TBP: variants seen among roughly 807,000 people sequenced by gnomAD.
TBP encodes the protein TATA-box-binding protein.
In TBP, 12 loss-of-function variants were observed where a neutral mutation model predicts 46.2. The observed-to-expected ratio is 0.26, with a 90% CI of 0.17 to 0.42. The LOEUF is 0.42. Ranked by LOEUF, TBP falls within the 10% of genes least tolerant of loss-of-function variation. The pLI is 1.00. For synonymous variants in TBP, 157 were observed against 148.3 expected (o/e 1.06, Z -0.42); for missense variants, 229 against 403.1 (o/e 0.57, Z 3.70).
Position 170,572,314 on chromosome 6 carries a change from TA to T in TBP, c.*52del. On this transcript the variant is annotated 3_prime_UTR_variant, in exon 8 of 8. Coordinates refer to ENST00000392092, the MANE Select transcript of TBP (RefSeq NM_003194.5). ...CCCCACCCCCTTCTTTTTTTTTTTT[TA>T]AACAAATCAGTTTGTTTTGGTACCT... 6 of 1,316,162 alleles carry T rather than the reference TA, an allele frequency of 4.6e-6. No individual in the cohort carries two copies. Among genetic ancestry groups the T allele is most frequent in the African/African-American group, 1.5e-5 (1 of 67,160 alleles). 81.5% of individuals were successfully genotyped at this position (1,316,162 alleles called of 1,614,324 possible).
In TBP at chr6:170,562,039, C is replaced by G. The variant is rs755731466; in HGVS notation, c.303C>G (p.Ala101=). Residue 101 remains alanine (A), a synonymous_variant, in exon 3 of 8, where the codon GCC becomes GCG. Transcript: ENST00000392092. Reference sequence around the variant, plus strand: ...AGCAACAGGCAGTGGCAGCTGCAGCCGTTCAGCAGTCAACGTCCCAGCAGG... The same window carrying G: ...AGCAACAGGCAGTGGCAGCTGCAGCGGTTCAGCAGTCAACGTCCCAGCAGG... ...QQQQQAVAAA[A]VQQSTSQQAT... 6.8e-6 allele frequency: 11 copies of G among 1,613,038 alleles called. No homozygotes were observed. In the South Asian group the frequency reaches 1.2e-4, roughly 18 times the overall value.
chr6:170,572,580 T>G lies in TBP; in HGVS notation c.*315T>G, dbSNP rs1437501588. 1.3e-5 allele frequency: 4 copies of G among 299,980 alleles called. No homozygotes were observed. The highest frequency in any genetic ancestry group is 8.7e-5 in the African/African-American group (4 of 46,124). 18.6% of individuals were successfully genotyped at this position (299,980 alleles called of 1,614,324 possible). On this transcript the variant is annotated 3_prime_UTR_variant, in exon 8 of 8. Transcript: ENST00000392092. ...CAAGTTGGTTTGAGGGAGAAAACTT[T>G]AAGTGTTAAAGCCACCTCTATAATT...
intron 3 of TBP, among the ~76,000 whole-genome samples, chr6:170,564,131 G>A (rs1779199351): frequency 6.6e-6 from 1 of 152,038 alleles, no homozygotes; most frequent in African/African-American, 2.4e-5. Flanking sequence ...ATTATAAATA[G>A]TTACTTAGGA....
chr6:170,556,492 A>C (rs1336156971), intron 1 of TBP, among the ~76,000 whole-genome samples: 1 of 152,146 alleles, frequency 6.6e-6, no homozygotes, highest in Non-Finnish European at 1.5e-5. Context: ...AAATTGGAAT[A>C]TTTAAAGATC....
At chr6:170,571,648 C>G in intron 7 of TBP, 144 bp downstream of exon 7, 1 of 653,342 alleles carries the variant, frequency 1.5e-6, no homozygotes, top group East Asian at 2.7e-5. Context: ...TGATGAGAAA[C>G]GTGCCCACTA....
At position 170,561,966 on chromosome 6, in the gene TBP, AGCAGCAG is replaced by A. The variant is rs1562359596; in HGVS notation, c.231_237del (p.Gln77HisfsTer65). The A allele has an allele frequency of 6.8e-3, 8,783 of 1,286,168 alleles. 356 individuals carry two copies. In the African/African-American group the frequency reaches 0.11, roughly 17 times the overall value. 79.7% of individuals were successfully genotyped at this position (1,286,168 alleles called of 1,614,324 possible). A position where few individuals can be genotyped will look rare whatever the true frequency, so the allele number is the denominator to read the frequency against. Reference sequence around the variant, plus strand: ...CAGCAGCAGCAACAGCAACAGCAGCAGCAGCAGCAGCAGCAGCAGCAGCAGCAGCAGC... The same window carrying A: ...CAGCAGCAGCAACAGCAACAGCAGCACAGCAGCAGCAGCAGCAGCAGCAGC... On this transcript the variant is annotated frameshift_variant, in exon 3 of 8. Coordinates refer to ENST00000392092, the MANE Select transcript of TBP (RefSeq NM_003194.5). LOFTEE classifies it high-confidence loss of function.
chr6:170,554,379 G>A lies in TBP; in HGVS notation c.-233G>A, dbSNP rs949433816. 2.6e-5 allele frequency: 4 copies of A among 152,606 alleles called. No individual in the cohort carries two copies. The highest frequency in any genetic ancestry group is 9.6e-5 in the African/African-American group (4 of 41,486). 9.5% of individuals were successfully genotyped at this position (152,606 alleles called of 1,614,324 possible). On this transcript the variant is annotated 5_prime_UTR_variant, in exon 1 of 8. Coordinates refer to ENST00000392092, the MANE Select transcript of TBP (RefSeq NM_003194.5). Reference sequence around the variant, plus strand: ...GCGCGCCAGGGGTTCAGTGAGGTCGGGCAGGTTCGCTGTGGCGGGCGCCTG... The same window carrying A: ...GCGCGCCAGGGGTTCAGTGAGGTCGAGCAGGTTCGCTGTGGCGGGCGCCTG...
At chr6:170,561,223 T>C (rs1232618818) in intron 2 of TBP, among the ~76,000 whole-genome samples, 3 of 152,254 alleles carry the variant, frequency 2.0e-5, no homozygotes, top group Non-Finnish European at 4.4e-5. Context: ...TTAGACATAA[T>C]GCTATTGCAC....
chr6:170,564,152 G>A lies in TBP; in HGVS notation c.498-393G>A, dbSNP rs1423056558. On this transcript the variant is annotated intron_variant, in intron 3 of 7. Transcript: ENST00000392092. ...AATAGTTACTTAGGAATAGGGTGGT[G>A]GTGGTAGCTTTTCAGAGCTCACAGA... Among the ~76,000 whole-genome samples, 5 of 152,156 alleles carry A rather than the reference G, an allele frequency of 3.3e-5. No individual in the cohort carries two copies. In the East Asian group the frequency reaches 9.6e-4, roughly 29 times the overall value.
chr6:170,556,962 A>T lies in TBP; in HGVS notation c.-68A>T. On this transcript the variant is annotated 5_prime_UTR_variant, in exon 2 of 8. Transcript: ENST00000392092. ...AAGAGTGTGCTGGAGATGCTCTAGG[A>T]AAAAATTGAATAGTGAGACGAGTTC... 2.0e-6 allele frequency: 3 copies of T among 1,518,016 alleles called. No individual in the cohort carries two copies. Among genetic ancestry groups the T allele is most frequent in the Non-Finnish European group, 2.7e-6 (3 of 1,094,996 alleles). The allele number at this position is 1,518,016 out of a possible 1,614,324, so 94.0% of individuals were successfully genotyped here.
At chr6:170,558,960 C>T (rs1779089164) in intron 2 of TBP, among the ~76,000 whole-genome samples, 1 of 152,234 alleles carries the variant, frequency 6.6e-6, no homozygotes, top group Admixed American at 6.5e-5. Flanking sequence ...GTTGGGATTA[C>T]AGGCATGAGC....
intron 2 of TBP, 50 bp downstream of exon 2, chr6:170,557,133 A>G (rs1435851860): frequency 6.5e-7 from 1 of 1,540,580 alleles, no homozygotes; most frequent in Non-Finnish European, 9.0e-7. Context: ...CTGAACTGCA[A>G]GAGATGGTAT....
Position 170,569,796 on chromosome 6 carries a change from TTA to T in TBP, c.845+19_845+20del, listed in dbSNP as rs762455360. On this transcript the variant is annotated intron_variant, in intron 6 of 7. Coordinates refer to ENST00000392092, the MANE Select transcript of TBP (RefSeq NM_003194.5). ...ATTTAGTAGGTAAGTCTGAAATGTA[TTA>T]TGATTGTTATTGGCAACAGTTCATT... The T allele has an allele frequency of 1.2e-6, 2 of 1,601,354 alleles. No individual in the cohort carries two copies. The highest frequency in any genetic ancestry group is 1.7e-6 in the Non-Finnish European group (2 of 1,174,290).
At chr6:170,564,250 C>T (rs901976584) in intron 3 of TBP, among the ~76,000 whole-genome samples, 1 of 152,190 alleles carries the variant, frequency 6.6e-6, no homozygotes, top group African/African-American at 2.4e-5. Flanking sequence ...CCTGGCTCCT[C>T]CACTTGGGAG....
intron 4 of TBP, among the ~76,000 whole-genome samples, chr6:170,565,727 T>A (rs779178335): frequency 3.9e-5 from 6 of 152,196 alleles, no homozygotes; most frequent in Non-Finnish European, 8.8e-5. Context: ...TACTGCTAGC[T>A]TTTTTAGATG....
intron 4 of TBP, among the ~76,000 whole-genome samples, chr6:170,566,486 C>A (rs552942542): frequency 6.6e-6 from 1 of 152,224 alleles, no homozygotes; most frequent in East Asian, 1.9e-4. Context: ...TTTATTAATT[C>A]CATTAAGGTA....
chr6:170,572,019 A>C (rs1301012179), intron 7 of TBP, among the ~76,000 whole-genome samples, 167 bp from the exon 8 acceptor site: 1 of 152,062 alleles, frequency 6.6e-6, no homozygotes, highest in Non-Finnish European at 1.5e-5. Context: ...AAACAAAAAT[A>C]AGATTGTGAC....
At chr6:170,569,311 G>T (rs758800125) in intron 5 of TBP, among the ~76,000 whole-genome samples, 85 of 152,156 alleles carry the variant, frequency 5.6e-4, no homozygotes, top group Non-Finnish European at 1.1e-3. Context: ...AGAAATGCAT[G>T]GGCTAAAATA....
chr6:170,562,407 A>G (rs1779167140), intron 3 of TBP, among the ~76,000 whole-genome samples, 174 bp downstream of exon 3: 1 of 152,196 alleles, frequency 6.6e-6, no homozygotes. Context: ...TATCTTAGTC[A>G]GTGTCCTCAG....
Sources: gnomAD v4.1 joint callset for allele counts (sites outside exome capture counted in the v4.1 genomes callset) on GRCh38, gnomAD v4.1.1 for gene constraint, MANE v1.5 for transcripts, NCBI Gene and HGNC (gene_info 2026-07-23, HGNC 2026-07-21) for gene names.